Variants in GRIN3A observed in about 807,000 individuals in gnomAD.
GRIN3A encodes the protein glutamate ionotropic receptor NMDA type subunit 3A.
GRIN3A carries 47 observed loss-of-function variants against 92.4 expected under a neutral mutation model. The observed-to-expected ratio is 0.51, with a 90% CI of 0.40 to 0.65. The LOEUF is 0.65. GRIN3A is among the 30% of genes least tolerant of loss of function. The pLI, the probability that GRIN3A is intolerant of heterozygous loss-of-function variation, is 0.00. For missense variants in GRIN3A, 1,324 were observed against 1,393.1 expected (o/e 0.95, Z 0.79); for synonymous variants, 527 against 540.6 (o/e 0.97, Z 0.35).
chr9:101,708,785 C>T (rs1829840549), intron 1 of GRIN3A, among the ~76,000 whole-genome samples: 1 of 152,194 alleles, frequency 6.6e-6, no homozygotes, highest in African/African-American at 2.4e-5. Context: ...ATTATAAGGT[C>T]TATGCTAACA....
At chr9:101,681,645 T>G (rs1229874590) in intron 2 of GRIN3A, among the ~76,000 whole-genome samples, 1 of 152,248 alleles carries the variant, frequency 6.6e-6, no homozygotes, top group Non-Finnish European at 1.5e-5. Flanking sequence ...TCACCAAATA[T>G]CTGAGAAGAG....
intron 1 of GRIN3A, among the ~76,000 whole-genome samples, chr9:101,706,914 A>T (rs1276848552): frequency 6.6e-6 from 1 of 152,190 alleles, no homozygotes; most frequent in African/African-American, 2.4e-5. Flanking sequence ...AGGGAGATTG[A>T]TCTCCCTTTT....
At chr9:101,711,719 T>C (rs944987548) in intron 1 of GRIN3A, among the ~76,000 whole-genome samples, 1 of 152,166 alleles carries the variant, frequency 6.6e-6, no homozygotes, top group Non-Finnish European at 1.5e-5. Flanking sequence ...AATCTAGTGC[T>C]GTCTTTCAAA....
intron 3 of GRIN3A, among the ~76,000 whole-genome samples, chr9:101,642,753 G>C (rs1828882858): frequency 1.3e-5 from 2 of 152,094 alleles, no homozygotes; most frequent in Non-Finnish European, 1.5e-5. Context: ...AGCAGCATTA[G>C]ATTCTTAGGA....
At position 101,670,557 on chromosome 9, in the gene GRIN3A, C is replaced by A. The variant is rs1419851518; in HGVS notation, c.1855G>T (p.Asp619Tyr). 6.2e-7 allele frequency: 1 copy of A among 1,614,062 alleles called. No individual in the cohort carries two copies. The highest frequency in any genetic ancestry group is 8.5e-7 in the Non-Finnish European group (1 of 1,179,972). The change falls in exon 3 of 9, where the codon GAT becomes TAT. Residue 619 changes from aspartate to tyrosine, a missense_variant. By Grantham distance (160) the Asp-to-Tyr change is radical. Coordinates refer to ENST00000361820, the MANE Select transcript of GRIN3A (RefSeq NM_133445.3). Reference protein sequence around the residue: ...KNGHWTGLVGDLLRGTAHMAV... With the variant: ...KNGHWTGLVGYLLRGTAHMAV... ...ATGTGGGCAGTCCCTCTCAGGAGAT[C>A]ACCCACTAGCCCAGTCCAGTGCCCA...
At chr9:101,697,495 C>G (rs1221903507) in intron 1 of GRIN3A, among the ~76,000 whole-genome samples, 1 of 152,156 alleles carries the variant, frequency 6.6e-6, no homozygotes, top group African/African-American at 2.4e-5. Context: ...GGAAGGTCTA[C>G]GTGAGCATTG....
chr9:101,583,855 T>C (rs1001156519), intron 6 of GRIN3A, among the ~76,000 whole-genome samples: 9 of 152,072 alleles, frequency 5.9e-5, no homozygotes, highest in African/African-American at 2.2e-4. Flanking sequence ...ACAGGATTGA[T>C]TGATTTGATT....
At chr9:101,638,838 G>A (rs192470649) in intron 3 of GRIN3A, among the ~76,000 whole-genome samples, 5 of 152,274 alleles carry the variant, frequency 3.3e-5, no homozygotes, top group South Asian at 2.1e-4. Flanking sequence ...ATTGCTTGGC[G>A]TTAGACTCAG....
At chr9:101,684,385 A>G (rs1334729159) in intron 2 of GRIN3A, among the ~76,000 whole-genome samples, 1 of 146,842 alleles carries the variant, frequency 6.8e-6, no homozygotes, top group Non-Finnish European at 1.5e-5. Context: ...TGCTGGGATT[A>G]CAGGCGTGAG....
chr9:101,677,073 C>T (rs1470736614), intron 2 of GRIN3A, among the ~76,000 whole-genome samples: 2 of 150,416 alleles, frequency 1.3e-5, no homozygotes, highest in Non-Finnish European at 3.0e-5. Context: ...GCTATTCTCT[C>T]TTTGGATTGT....
At chr9:101,652,854 T>C (rs934709587) in intron 3 of GRIN3A, among the ~76,000 whole-genome samples, 4 of 152,012 alleles carry the variant, frequency 2.6e-5, no homozygotes, top group Non-Finnish European at 4.4e-5. Context: ...CCATGAATTA[T>C]GGCTTTTATG....
chr9:101,686,758 G>T lies in GRIN3A; in HGVS notation c.1142C>A (p.Thr381Lys), dbSNP rs1485150095. The change falls in exon 2 of 9, where the codon ACA (threonine) becomes AAA (lysine). Residue 381 changes from threonine (T) to lysine (K), a missense_variant. Physicochemically the swap from Thr to Lys is moderately conservative, Grantham distance 78. Transcript: ENST00000361820. ...TACGTAGTGCTCAAAGACAGACTGT[G>T]TTGTTTTTCCATGAGCAATGAGCCC... ...PLGLIAHGKT[T>K]QSVFEHYVQD... 6.2e-7 allele frequency: 1 copy of T among 1,614,164 alleles called. No individual in the cohort carries two copies. The highest frequency in any genetic ancestry group is 8.5e-7 in the Non-Finnish European group (1 of 1,180,006).
intron 1 of GRIN3A, among the ~76,000 whole-genome samples, chr9:101,724,607 C>T (rs1830062007): frequency 6.6e-6 from 1 of 152,212 alleles, no homozygotes; most frequent in Non-Finnish European, 1.5e-5. Context: ...AAGTGGGATC[C>T]CAGGCAGAGG....
At chr9:101,721,064 G>C (rs949900301) in intron 1 of GRIN3A, among the ~76,000 whole-genome samples, 9 of 152,160 alleles carry the variant, frequency 5.9e-5, no homozygotes, top group African/African-American at 2.2e-4. Flanking sequence ...CCATGAATTG[G>C]AAAGAGTACA....
chr9:101,650,183 T>C (rs1828996328), intron 3 of GRIN3A, among the ~76,000 whole-genome samples: 1 of 152,048 alleles, frequency 6.6e-6, no homozygotes. Context: ...TTGTTCTTCA[T>C]CTGTAGAAAA....
At chr9:101,628,691 T>C (rs1397240745) in intron 3 of GRIN3A, among the ~76,000 whole-genome samples, 1 of 152,200 alleles carries the variant, frequency 6.6e-6, no homozygotes, top group Non-Finnish European at 1.5e-5. Flanking sequence ...CAAATTGGCA[T>C]GTAGAATTAG....
intron 6 of GRIN3A, among the ~76,000 whole-genome samples, chr9:101,595,476 T>G (rs1828113765): frequency 6.6e-6 from 1 of 152,114 alleles, no homozygotes; most frequent in Admixed American, 6.5e-5. Context: ...ACTGTATACT[T>G]GCTTTACAGA....
In GRIN3A at chr9:101,662,266, G is replaced by C. The variant is rs552839954; in HGVS notation, c.2352+7794C>G. 3.3e-5 allele frequency among the ~76,000 whole-genome samples: 5 copies of C among 151,854 alleles called. No individual in the cohort carries two copies. In the East Asian group the frequency reaches 9.8e-4, roughly 30 times the overall value. On this transcript the variant is annotated intron_variant, in intron 3 of 8. Coordinates refer to ENST00000361820, the MANE Select transcript of GRIN3A (RefSeq NM_133445.3). ...AGCTCAGTAAGGGAATCTTGTCACCGTGTTCACCTTGACAATGGGTGGGGG... is the reference window on the plus strand; with the variant it reads ...AGCTCAGTAAGGGAATCTTGTCACCCTGTTCACCTTGACAATGGGTGGGGG...
chr9:101,726,029 A>T (rs1048366100), intron 1 of GRIN3A, among the ~76,000 whole-genome samples: 9 of 152,096 alleles, frequency 5.9e-5, no homozygotes, highest in African/African-American at 1.9e-4. Flanking sequence ...CTAGAATGGG[A>T]GTTCTTTGAG....
Sources: gnomAD v4.1 joint callset for allele counts (sites outside exome capture counted in the v4.1 genomes callset) on GRCh38, gnomAD v4.1.1 for gene constraint, MANE v1.5 for transcripts, NCBI Gene and HGNC (gene_info 2026-07-23, HGNC 2026-07-21) for gene names.